DSG4: variants seen among roughly 807,000 people sequenced by gnomAD.
DSG4 encodes desmoglein-4.
In DSG4, 87 loss-of-function variants were observed where a neutral mutation model predicts 93.1. That is an observed-to-expected ratio of 0.93 (90% CI 0.79 to 1.12). The LOEUF is 1.12. DSG4 is among the 50% of genes most tolerant of loss of function. DSG4 has a pLI of 0.00. For missense variants in DSG4, 1,373 were observed against 1,285.7 expected (o/e 1.07, Z -1.04); for synonymous variants, 432 against 452.9 (o/e 0.95, Z 0.59).
chr18:31,386,942 C>T, intron 3 of DSG4, 123 bp downstream of exon 3: 1 of 1,485,216 alleles, frequency 6.7e-7, no homozygotes, highest in Non-Finnish European at 9.2e-7. Context: ...TGGTCATTTG[C>T]TCCAGTTGCT....
rs1156316644 is a variant in DSG4, at chr18:31,411,400, C to T, written c.2307C>T (p.Tyr769=). Residue 769 remains tyrosine, a synonymous_variant, in exon 15 of 16, where the codon TAC becomes TAT. Transcript: ENST00000308128. ...RSSTMGTLRD[Y]ADADINMAFL... is the part of the protein sequence containing the mutation. ...CTACCATGGGAACCCTGCGGGACTA[C>T]GCTGACGCAGACATCAACATGGCTT... is the stretch of plus-strand genomic sequence containing the variant. 2 of 1,611,116 alleles carry T rather than the reference C, an allele frequency of 1.2e-6. No homozygotes were observed. Among genetic ancestry groups the T allele is most frequent in the African/African-American group, 1.4e-5 (1 of 72,714 alleles).
chr18:31,403,645 C>A lies in DSG4; in HGVS notation c.1636+11C>A. On this transcript the variant is annotated intron_variant, in intron 11 of 15. Coordinates refer to ENST00000308128, the MANE Select transcript of DSG4 (RefSeq NM_177986.5). ...TCAGATCAACAAATGGTAAGTGAAACGTAAGCTTGTTTTTTGGACTTTAAG... is the reference window on the plus strand; with the variant it reads ...TCAGATCAACAAATGGTAAGTGAAAAGTAAGCTTGTTTTTTGGACTTTAAG... 1 of 1,613,414 alleles carries A rather than the reference C, an allele frequency of 6.2e-7. No individual in the cohort carries two copies.
chr18:31,388,380 G>A lies in DSG4; in HGVS notation c.230G>A (p.Cys77Tyr), dbSNP rs2072211112. Residue 77 changes from cysteine (C) to tyrosine (Y), a missense_variant, in exon 4 of 16, where the codon TGC becomes TAC. Physicochemically the swap from Cys to Tyr is radical, Grantham distance 194. Transcript: ENST00000308128. ...TTTTTCTTATAGATTCGATCAGACT[G>A]CGAATCGAACCAGAAGATAACATAC... ...RNPIAKIRSD[C>Y]ESNQKITYRI... The A allele has an allele frequency of 6.2e-7, 1 of 1,613,170 alleles. No homozygotes were observed. Among genetic ancestry groups the A allele is most frequent in the Non-Finnish European group, 8.5e-7 (1 of 1,179,426 alleles).
intron 1 of DSG4, chr18:31,382,525 T>C (rs2072147048): frequency 6.6e-6 from 1 of 152,246 alleles, no homozygotes; most frequent in Non-Finnish European, 1.5e-5. Context: ...CTGAGGTTCA[T>C]ACAGTTATGT....
chr18:31,404,618 A>G (rs2072404841), intron 11 of DSG4, among the ~76,000 whole-genome samples: 1 of 152,232 alleles, frequency 6.6e-6, no homozygotes, highest in African/African-American at 2.4e-5. Flanking sequence ...TACAGAATGG[A>G]GAAACCCTAA....
rs1568064323 is a variant in DSG4, at chr18:31,391,066, A to G, written c.685-12A>G. ...AAACCTAAGTCTTACGTTCTTTTTC[A>G]TCTTGATTAAGCAACACAGTATGTA... On this transcript the variant is annotated splice_polypyrimidine_tract_variant and intron_variant, in intron 6 of 15. Coordinates refer to ENST00000308128, the MANE Select transcript of DSG4 (RefSeq NM_177986.5). The G allele has an allele frequency of 3.1e-6, 5 of 1,613,484 alleles. No individual in the cohort carries two copies. The highest frequency in any genetic ancestry group is 4.5e-5 in the East Asian group (2 of 44,866).
chr18:31,381,231 T>C (rs1184522050), intron 1 of DSG4, among the ~76,000 whole-genome samples: 1 of 152,224 alleles, frequency 6.6e-6, no homozygotes, highest in Non-Finnish European at 1.5e-5. Flanking sequence ...TAAAAAGAGC[T>C]GGAGTGTTTC....
intron 8 of DSG4, among the ~76,000 whole-genome samples, chr18:31,392,900 A>G (rs985047766): frequency 3.9e-5 from 6 of 152,226 alleles, no homozygotes; most frequent in Non-Finnish European, 8.8e-5. Flanking sequence ...GGCATCAAGT[A>G]GGGAAGTAAT....
At chr18:31,406,023 C>G (rs1213237695) in intron 11 of DSG4, 54 bp from the exon 12 acceptor site, 3 of 1,608,578 alleles carry the variant, frequency 1.9e-6, no homozygotes, top group Non-Finnish European at 2.5e-6. Flanking sequence ...TAACCACCCC[C>G]CTAGCCCACC....
At chr18:31,405,877 T>C (rs941696534) in intron 11 of DSG4, among the ~76,000 whole-genome samples, 200 bp from the exon 12 acceptor site, 12 of 151,556 alleles carry the variant, frequency 7.9e-5, no homozygotes, top group Non-Finnish European at 1.3e-4. Flanking sequence ...GGAATGAGAC[T>C]CTGTCTCAAA....
intron 8 of DSG4, among the ~76,000 whole-genome samples, chr18:31,397,471 C>T (rs1598744189): frequency 6.6e-6 from 1 of 152,150 alleles, no homozygotes; most frequent in African/African-American, 2.4e-5. Flanking sequence ...AAAATCCTGA[C>T]TAAAGGGCCC....
rs768920929 is a variant in DSG4, at chr18:31,411,396, A to G, written c.2303A>G (p.Asp768Gly). The G allele has an allele frequency of 1.1e-5, 18 of 1,611,000 alleles. No individual in the cohort carries two copies. The highest frequency in any genetic ancestry group is 1.4e-5 in the Non-Finnish European group (17 of 1,179,894). The change falls in exon 15 of 16, where the codon GAC (aspartate) becomes GGC (glycine). Residue 768 changes from aspartate to glycine, a missense_variant. Physicochemically the swap from Asp to Gly is moderately conservative, Grantham distance 94. Coordinates refer to ENST00000308128, the MANE Select transcript of DSG4 (RefSeq NM_177986.5). ...AGCTCTACCATGGGAACCCTGCGGG[A>G]CTACGCTGACGCAGACATCAACATG... ...KRSSTMGTLR[D>G]YADADINMAF...
Position 31,400,914 on chromosome 18 carries a change from A to C in DSG4, c.1311A>C (p.Leu437Phe). ...TAGGGCATGATGCAGGCAGCTGGTT[A>C]AAAATTGATTCAAGAACTGGTGAGA... ...YIIGHDAGSWLKIDSRTGEIQ... is the reference protein window; with the variant it reads ...YIIGHDAGSWFKIDSRTGEIQ... The change falls in exon 10 of 16, where the codon TTA (leucine) becomes TTC (phenylalanine). Residue 437 changes from leucine (L) to phenylalanine (F), a missense_variant. Physicochemically the swap from Leu to Phe is conservative, Grantham distance 22. Coordinates refer to ENST00000308128, the MANE Select transcript of DSG4 (RefSeq NM_177986.5). 1 of 1,612,672 alleles carries C rather than the reference A, an allele frequency of 6.2e-7. No homozygotes were observed. Among genetic ancestry groups the C allele is most frequent in the Non-Finnish European group, 8.5e-7 (1 of 1,179,114 alleles).
intron 8 of DSG4, among the ~76,000 whole-genome samples, chr18:31,397,971 G>A (rs111361453): frequency 0.017 from 2,498 of 142,758 alleles, 62 homozygotes; most frequent in African/African-American, 0.061. Flanking sequence ...AGGTTGCAAT[G>A]AGCTGAGATT....
At chr18:31,393,302 GGCTCTTTTTGTGTTACCATAAAGTAATA>G (rs2072269599) in intron 8 of DSG4, among the ~76,000 whole-genome samples, 1 of 152,070 alleles carries the variant, frequency 6.6e-6, no homozygotes, top group Admixed American at 6.6e-5. Context: ...AAGCACATAA[GGCTCTTTTTGTGTTACCATAAAGTAATA>G]GCTGAGACTG....
At chr18:31,410,468 C>A (rs562582507) in intron 14 of DSG4, among the ~76,000 whole-genome samples, 93 of 151,326 alleles carry the variant, frequency 6.1e-4, no homozygotes, top group Middle Eastern at 3.5e-3. Flanking sequence ...ACAAAATATA[C>A]GTTAGAGTAG....
At chr18:31,388,269 C>A in intron 3 of DSG4, 98 bp from the exon 4 acceptor site, 1 of 1,382,088 alleles carries the variant, frequency 7.2e-7, no homozygotes, top group Non-Finnish European at 1.0e-6. Flanking sequence ...CAATCCAAAG[C>A]CCATTTGGTA....
chr18:31,386,711 T>C lies in DSG4; in HGVS notation c.108T>C (p.Asn36=). The C allele has an allele frequency of 6.2e-7, 1 of 1,613,308 alleles. No individual in the cohort carries two copies. Among genetic ancestry groups the C allele is most frequent in the Non-Finnish European group, 8.5e-7 (1 of 1,179,400 alleles). The stretch of plus-strand genomic sequence containing the variant: ...AGGTGAAGGAATTTGACATTGAAAA[T>C]GGCACTACAAAATGGCAAACAGTCA... The part of the protein sequence containing the change: ...IVEVKEFDIE[N]GTTKWQTVRR... Residue 36 remains asparagine (N), a synonymous_variant, in exon 3 of 16, where the codon AAT becomes AAC. Transcript: ENST00000308128.
intron 12 of DSG4, among the ~76,000 whole-genome samples, chr18:31,406,908 G>A (rs1018593245): frequency 6.6e-6 from 1 of 151,938 alleles, no homozygotes; most frequent in Non-Finnish European, 1.5e-5. Flanking sequence ...CTCCCGAGTA[G>A]CTGGGACTAC....
Sources: gnomAD v4.1 joint callset for allele counts (sites outside exome capture counted in the v4.1 genomes callset) on GRCh38, gnomAD v4.1.1 for gene constraint, MANE v1.5 for transcripts, NCBI Gene and HGNC (gene_info 2026-07-23, HGNC 2026-07-21) for gene names.